The following KIFC3 variants were observed in gnomAD, a reference collection of about 807,000 sequenced individuals.
KIFC3 encodes the protein kinesin family member C3.
Under a neutral mutation model 101.8 loss-of-function variants are expected in KIFC3, and 60 were observed. The observed-to-expected ratio is 0.59, with a 90% CI of 0.48 to 0.73. The LOEUF is 0.73. Among genes scored for constraint, KIFC3 ranks in the 30% least tolerant of loss-of-function variants. The probability of loss-of-function intolerance (pLI) is 0.00; values close to 1 mark genes in which losing one functional copy is unlikely to be tolerated. For synonymous variants in KIFC3, 476 were observed against 482.7 expected (o/e 0.99, Z 0.18); for missense variants, 966 against 1,137.1 (o/e 0.85, Z 2.16).
intron 3 of KIFC3, 60 bp from the exon 4 acceptor site, chr16:57,772,348 G>A (rs958941846): frequency 6.9e-7 from 1 of 1,447,402 alleles, no homozygotes; most frequent in South Asian, 1.2e-5. Context: ...CCTACACCCA[G>A]GCCTCCTGCC....
intron 1 of KIFC3, among the ~76,000 whole-genome samples, chr16:57,850,465 GTTTTTTTT>G (rs373157438): frequency 1.8e-4 from 15 of 84,102 alleles, no homozygotes; most frequent in East Asian, 1.6e-3. Context: ...TTTAAAAAGG[GTTTTTTTT>G]TTTTTTTTTT....
intron 1 of KIFC3, among the ~76,000 whole-genome samples, chr16:57,861,352 T>C (rs1213351352): frequency 1.3e-5 from 2 of 152,334 alleles, no homozygotes; most frequent in Non-Finnish European, 2.9e-5. Context: ...CCCAGCAGGA[T>C]TGGCTTTACC....
intron 10 of KIFC3, chr16:57,765,886 G>A (rs782340528): frequency 1.1e-5 from 5 of 451,060 alleles, no homozygotes; most frequent in African/African-American, 2.0e-5. Context: ...GGGATGGGGA[G>A]GAAAGGTCAG....
At chr16:57,856,946 T>C (rs1301243514) in intron 1 of KIFC3, among the ~76,000 whole-genome samples, 1 of 152,224 alleles carries the variant, frequency 6.6e-6, no homozygotes, top group East Asian at 1.9e-4. Flanking sequence ...TACTGGTGAA[T>C]TCTACCAAAC....
chr16:57,856,433 C>T lies in KIFC3; in HGVS notation c.108+6296G>A, dbSNP rs560662808. On this transcript the variant is annotated intron_variant, in intron 1 of 2. Transcript: ENST00000563028. ...AGGTGGAAGTTGCAGTGCATTCCAG[C>T]CTGGGTGACAGAGACCGTGTCTAAA... Among the ~76,000 whole-genome samples the T allele has an allele frequency of 1.5e-5, 2 of 132,482 alleles. 1 individual carries two copies. The highest frequency in any genetic ancestry group is 5.4e-4 in the South Asian group (2 of 3,684). The allele number at this position is 132,482 out of a possible 152,430, so 86.9% of individuals were successfully genotyped here. A position where few individuals can be genotyped will look rare whatever the true frequency, so the allele number is the denominator to read the frequency against.
upstream of KIFC3, chr16:57,807,693 A>C (rs2054967275): frequency 6.6e-6 from 1 of 152,206 alleles, no homozygotes; most frequent in Non-Finnish European, 1.5e-5. Flanking sequence ...GGCCAGGCAC[A>C]GTGGCTCATG....
chr16:57,847,265 A>AGGAAGGAAGGAAGGAAG (rs1567339487), intron 1 of KIFC3, among the ~76,000 whole-genome samples: 2 of 58,568 alleles, frequency 3.4e-5, no homozygotes, highest in Admixed American at 2.3e-4. Context: ...GAAGGAAGGA[A>AGGAAGGAAGGAAGGAAG]GGAAGGGAAG....
intron 3 of KIFC3, among the ~76,000 whole-genome samples, chr16:57,781,417 G>A (rs547881657): frequency 6.6e-6 from 1 of 152,310 alleles, no homozygotes; most frequent in South Asian, 2.1e-4. Flanking sequence ...AAGAGGACAG[G>A]GGAACTCAAG....
At chr16:57,843,877 G>A (rs1405165781) in intron 1 of KIFC3, among the ~76,000 whole-genome samples, 1 of 151,542 alleles carries the variant, frequency 6.6e-6, no homozygotes, top group Non-Finnish European at 1.5e-5. Context: ...GGAGGCCAAG[G>A]TGGGCAGATC....
intron 1 of KIFC3, among the ~76,000 whole-genome samples, chr16:57,862,122 CCTT>C (rs1344009649): frequency 6.0e-5 from 9 of 151,260 alleles, no homozygotes; most frequent in Non-Finnish European, 1.3e-4. Context: ...TTTTTGACGT[CCTT>C]ATTATTATTA....
In KIFC3 at chr16:57,758,872, G is replaced by A; in HGVS notation, c.*62C>T. On this transcript the variant is annotated 3_prime_UTR_variant, in exon 20 of 20. Transcript: ENST00000445690. ...TGAGGGCCCAGCTTCAGGCCCAGCG[G>A]GGTCACATCCGTCACACAGGCAGTG... 1 of 1,603,278 alleles carries A rather than the reference G, an allele frequency of 6.2e-7. No individual in the cohort carries two copies. The highest frequency in any genetic ancestry group is 8.5e-7 in the Non-Finnish European group (1 of 1,174,160).
At chr16:57,828,830 C>A (rs919258150) in intron 1 of KIFC3, among the ~76,000 whole-genome samples, 4 of 152,136 alleles carry the variant, frequency 2.6e-5, no homozygotes, top group Non-Finnish European at 5.9e-5. Context: ...CCTCACCCCC[C>A]AGCAGAAGGT....
At chr16:57,764,504 C>T in intron 11 of KIFC3, 2 of 492,390 alleles carry the variant, frequency 4.1e-6, no homozygotes, top group Middle Eastern at 5.6e-4. Flanking sequence ...CCTGCTCTCT[C>T]TCAAAGAGTG....
intron 18 of KIFC3, 186 bp downstream of exon 18, chr16:57,759,542 A>G: frequency 1.7e-6 from 1 of 589,166 alleles, no homozygotes; most frequent in Non-Finnish European, 3.0e-6. Flanking sequence ...TCCCACCTGC[A>G]GAACGGACAC....
intron 1 of KIFC3, among the ~76,000 whole-genome samples, chr16:57,860,081 AT>A (rs1325746536): frequency 1.6e-4 from 24 of 146,940 alleles, no homozygotes; most frequent in African/African-American, 5.0e-4. Context: ...ATAAAATAAA[AT>A]AAAATAAAAT....
chr16:57,844,096 A>G (rs141051807), intron 1 of KIFC3, among the ~76,000 whole-genome samples: 1,675 of 151,478 alleles, frequency 0.011, 13 homozygotes, highest in Non-Finnish European at 0.014. Context: ...CGACAGAGTG[A>G]GAATCCATCT....
chr16:57,782,135 G>T, intron 3 of KIFC3: 1 of 985,460 alleles, frequency 1.0e-6, no homozygotes, highest in Non-Finnish European at 1.2e-6. Context: ...GCACACGGGA[G>T]TGACAGCTCA....
At chr16:57,843,747 T>C (rs767644662) in intron 1 of KIFC3, among the ~76,000 whole-genome samples, 4 of 152,068 alleles carry the variant, frequency 2.6e-5, no homozygotes, top group African/African-American at 7.3e-5. Context: ...TGGAAATACC[T>C]AAATTGAATA....
chr16:57,759,303 T>C, intron 18 of KIFC3, 150 bp from the exon 19 acceptor site: 1 of 942,638 alleles, frequency 1.1e-6, no homozygotes, highest in Non-Finnish European at 1.6e-6. Context: ...TGGGTCCCGG[T>C]CCTGTGGCGG....
Sources: gnomAD v4.1 joint callset for allele counts (sites outside exome capture counted in the v4.1 genomes callset) on GRCh38, gnomAD v4.1.1 for gene constraint, MANE v1.5 for transcripts, NCBI Gene and HGNC (gene_info 2026-07-23, HGNC 2026-07-21) for gene names.